Variants in TEAD1 observed in about 807,000 individuals in gnomAD.
The protein encoded by TEAD1 is TEA domain transcription factor 1, also known as transcriptional enhancer factor TEF-1.
A neutral mutation model predicts 54.9 loss-of-function variants in TEAD1; 9 were observed. That is an observed-to-expected ratio of 0.16 (90% CI 0.10 to 0.29). The LOEUF is 0.29. Among genes scored for constraint, TEAD1 ranks in the 10% least tolerant of loss-of-function variants. The pLI is 1.00. For synonymous variants in TEAD1, 200 were observed against 187.8 expected, an observed-to-expected ratio of 1.07 and a Z score of -0.53; for missense variants, 387 against 535.9, an observed-to-expected ratio of 0.72 and a Z score of 2.74.
At chr11:12,844,959 C>CTTTTTTTTTTTTTTTT in intron 3 of TEAD1, among the ~76,000 whole-genome samples, 1 of 64,658 alleles carries the variant, frequency 1.5e-5, no homozygotes, top group Non-Finnish European at 2.6e-5. Context: ...TGTATGAAAT[C>CTTTTTTTTTTTTTTTT]TTTTTTTTTT....
chr11:12,783,924 G>T (rs1400338485), intron 3 of TEAD1, among the ~76,000 whole-genome samples: 1 of 152,154 alleles, frequency 6.6e-6, no homozygotes, highest in Admixed American at 6.5e-5. Context: ...TGTGTATGCA[G>T]CATATACACA....
intron 1 of TEAD1, among the ~76,000 whole-genome samples, 166 bp downstream of exon 1, chr11:12,675,000 C>T (rs1388643781): frequency 6.7e-6 from 1 of 148,358 alleles, no homozygotes; most frequent in Non-Finnish European, 1.5e-5. Context: ...ACCCGCCTCC[C>T]CGCGCCCCCT....
At position 12,674,500 on chromosome 11, in the gene TEAD1, C is replaced by G. The variant is rs1466714402; in HGVS notation, c.-542C>G. ...GAGCCTCTGCTGCCGCCGCCGCGGC[C>G]CCGCCGCCCGCCGCGGGCGCCCACC... On this transcript the variant is annotated 5_prime_UTR_variant, in exon 1 of 13. Transcript: ENST00000527636. 2 of 151,192 alleles carry G rather than the reference C, an allele frequency of 1.3e-5. No individual in the cohort carries two copies. The highest frequency in any genetic ancestry group is 4.9e-5 in the African/African-American group (2 of 41,152). The allele number at this position is 151,192 out of a possible 1,614,324, so 9.4% of individuals were successfully genotyped here.
At chr11:12,698,369 CAGGT>C in intron 2 of TEAD1, among the ~76,000 whole-genome samples, 1 of 152,012 alleles carries the variant, frequency 6.6e-6, no homozygotes, top group East Asian at 1.9e-4. Flanking sequence ...GGATGGAGGG[CAGGT>C]GGGGTCTGGA....
At chr11:12,879,003 C>T (rs1282629061) in intron 5 of TEAD1, 12 of 961,210 alleles carry the variant, frequency 1.2e-5, no homozygotes, top group African/African-American at 8.7e-5. Context: ...AGAAAAGACC[C>T]GTTCAGGAAA....
chr11:12,814,674 C>G (rs1946376472), intron 3 of TEAD1, among the ~76,000 whole-genome samples: 1 of 152,126 alleles, frequency 6.6e-6, no homozygotes, highest in East Asian at 1.9e-4. Flanking sequence ...CTAATAGCAG[C>G]AAGGGCGAGA....
chr11:12,730,416 GTTTTTTT>G (rs59731479), intron 2 of TEAD1, among the ~76,000 whole-genome samples: 55 of 60,236 alleles, frequency 9.1e-4, no homozygotes, highest in African/African-American at 3.3e-3. Context: ...CCAGTTGAGT[GTTTTTTT>G]TTTTTTTTTT....
chr11:12,850,973 ATAGT>A, intron 3 of TEAD1: 1 of 737,238 alleles, frequency 1.4e-6, no homozygotes. Flanking sequence ...TCTCACTGAA[ATAGT>A]TGCAACTTTA....
chr11:12,893,605 T>TG (rs1027721302), intron 9 of TEAD1, among the ~76,000 whole-genome samples: 2 of 152,148 alleles, frequency 1.3e-5, no homozygotes, highest in African/African-American at 2.4e-5. Context: ...ACTCAGTCGG[T>TG]GGGCCTTTCA....
At chr11:12,798,441 C>G (rs1434035026) in intron 3 of TEAD1, among the ~76,000 whole-genome samples, 1 of 152,122 alleles carries the variant, frequency 6.6e-6, no homozygotes, top group Non-Finnish European at 1.5e-5. Context: ...TCAGAAGGCC[C>G]CTAAAGACAG....
At chr11:12,739,426 T>C (rs1371411461) in intron 2 of TEAD1, among the ~76,000 whole-genome samples, 2 of 152,190 alleles carry the variant, frequency 1.3e-5, no homozygotes, top group African/African-American at 4.8e-5. Flanking sequence ...AAATGTCTAT[T>C]AAACAAGAAC....
chr11:12,874,026 A>G (rs1375545064), intron 5 of TEAD1, among the ~76,000 whole-genome samples: 3 of 152,030 alleles, frequency 2.0e-5, no homozygotes, highest in East Asian at 1.9e-4. Flanking sequence ...TGACTTTACT[A>G]TTTTTTCTGA....
At chr11:12,683,634 G>T (rs1429836283) in intron 2 of TEAD1, among the ~76,000 whole-genome samples, 1 of 152,144 alleles carries the variant, frequency 6.6e-6, no homozygotes, top group East Asian at 1.9e-4. Context: ...GGAGTAGGTT[G>T]TTAGAAAATA....
chr11:12,929,140 C>G (rs944007906), intron 11 of TEAD1, among the ~76,000 whole-genome samples: 1 of 147,480 alleles, frequency 6.8e-6, no homozygotes, highest in Non-Finnish European at 1.5e-5. Context: ...GCATCTCTAT[C>G]TGCTGTGTTT....
chr11:12,832,337 G>A (rs182709966), intron 3 of TEAD1, among the ~76,000 whole-genome samples: 41 of 152,252 alleles, frequency 2.7e-4, no homozygotes, highest in Admixed American at 2.7e-3. Flanking sequence ...TTATAAATAC[G>A]GCATAGAAGA....
At chr11:12,781,727 A>G (rs911556724) in intron 3 of TEAD1, among the ~76,000 whole-genome samples, 3 of 151,722 alleles carry the variant, frequency 2.0e-5, no homozygotes, top group African/African-American at 4.8e-5. Flanking sequence ...GTGGGTTTAT[A>G]AAGATGGCAT....
chr11:12,890,327 G>T (rs917085494), intron 9 of TEAD1, among the ~76,000 whole-genome samples: 2 of 152,196 alleles, frequency 1.3e-5, no homozygotes, highest in African/African-American at 4.8e-5. Context: ...TCCACATTGG[G>T]TAGATGGTTA....
intron 2 of TEAD1, among the ~76,000 whole-genome samples, chr11:12,740,956 C>G (rs1041398524): frequency 2.0e-4 from 30 of 152,084 alleles, no homozygotes; most frequent in African/African-American, 7.2e-4. Context: ...CTGATGTTTA[C>G]TTAAATTTTC....
At chr11:12,727,172 G>C (rs555744761) in intron 2 of TEAD1, among the ~76,000 whole-genome samples, 2 of 152,240 alleles carry the variant, frequency 1.3e-5, no homozygotes, top group East Asian at 1.9e-4. Context: ...CCTGGGAGGC[G>C]GAGGTTGCAG....
Sources: allele counts gnomAD v4.1 joint callset (sites outside exome capture counted in the v4.1 genomes callset), GRCh38; gene constraint gnomAD v4.1.1; transcripts MANE v1.5; gene names NCBI Gene and HGNC (gene_info 2026-07-23, HGNC 2026-07-21).